NBEA: variants seen among roughly 807,000 people sequenced by gnomAD.
The protein encoded by NBEA is lysosomal-trafficking regulator 2.
Under a neutral mutation model 343.4 loss-of-function variants are expected in NBEA, and 44 were observed. The observed-to-expected ratio is 0.13, with a 90% confidence interval of 0.10 to 0.16. NBEA has a LOEUF of 0.16. NBEA is among the 10% of genes least tolerant of loss of function. NBEA has a pLI of 1.00. For synonymous variants in NBEA, 1,175 were observed against 1,238.7 expected (o/e 0.95, Z 1.08); for missense variants, 2,555 against 3,631.3 (o/e 0.70, Z 7.62).
rs1362317772 is a variant in NBEA at position 35,130,649 on chromosome 13, C to CA, written c.2336+7081dup. On this transcript the variant is annotated intron_variant, in intron 17 of 58. Coordinates refer to ENST00000379939, the MANE Select transcript of NBEA (RefSeq NM_001385012.1). Reference sequence around the variant, plus strand: ...ATTTTTTTCCTTAGAAGATCAATTACAAAAAATCTCAAAAGTATAATTTGA... The same window carrying CA: ...ATTTTTTTCCTTAGAAGATCAATTACAAAAAAATCTCAAAAGTATAATTTGA... Among the ~76,000 whole-genome samples the CA allele has an allele frequency of 6.0e-5, 9 of 150,898 alleles. No individual in the cohort carries two copies. The South Asian group carries it at 1.3e-3, about 21-fold the overall frequency.
At chr13:35,127,863 A>C (rs2067209507) in intron 17 of NBEA, among the ~76,000 whole-genome samples, 1 of 152,144 alleles carries the variant, frequency 6.6e-6, no homozygotes, top group Non-Finnish European at 1.5e-5. Context: ...ATCAGTAAGC[A>C]TAACATAAAA....
chr13:35,093,034 G>A (rs1010306606), intron 10 of NBEA, among the ~76,000 whole-genome samples: 2 of 152,004 alleles, frequency 1.3e-5, no homozygotes, highest in African/African-American at 2.4e-5. Flanking sequence ...GTACTTACTT[G>A]GATGCCTCTC....
At chr13:35,291,595 G>A (rs1239173840) in intron 35 of NBEA, among the ~76,000 whole-genome samples, 3 of 151,852 alleles carry the variant, frequency 2.0e-5, no homozygotes, top group African/African-American at 7.2e-5. Flanking sequence ...AGACTATCTG[G>A]ACCTTTTCGA....
chr13:35,439,193 TC>T (rs1432447450), intron 39 of NBEA, among the ~76,000 whole-genome samples: 4 of 151,928 alleles, frequency 2.6e-5, no homozygotes, highest in African/African-American at 9.7e-5. Context: ...ACAGGAGAGC[TC>T]CCCACAACAA....
At chr13:35,128,094 G>A in intron 17 of NBEA, among the ~76,000 whole-genome samples, 1 of 111,570 alleles carries the variant, frequency 9.0e-6, no homozygotes, top group Admixed American at 1.2e-4. Context: ...AAGGGGTGGG[G>A]GGAGGGGGGA....
chr13:35,661,231 C>T (rs2085076692), intron 55 of NBEA, among the ~76,000 whole-genome samples: 2 of 152,084 alleles, frequency 1.3e-5, no homozygotes, highest in South Asian at 4.1e-4. Context: ...TACGCAGAGC[C>T]CAGCTTCCTG....
chr13:35,136,748 C>T (rs1432890215), intron 17 of NBEA, among the ~76,000 whole-genome samples: 1 of 152,106 alleles, frequency 6.6e-6, no homozygotes, highest in Non-Finnish European at 1.5e-5. Context: ...TTATATCCTG[C>T]CAGATTGTTA....
intron 34 of NBEA, among the ~76,000 whole-genome samples, chr13:35,245,478 T>G (rs574191813): frequency 6.6e-6 from 1 of 152,284 alleles, no homozygotes; most frequent in South Asian, 2.1e-4. Flanking sequence ...TTTGCTGTCT[T>G]GGTAGTAGAG....
chr13:35,345,047 G>T (rs1160406962), intron 36 of NBEA, among the ~76,000 whole-genome samples: 1 of 152,048 alleles, frequency 6.6e-6, no homozygotes, highest in Non-Finnish European at 1.5e-5. Context: ...GGGCAAACTG[G>T]AAGACGGTGA....
intron 11 of NBEA, among the ~76,000 whole-genome samples, chr13:35,099,433 C>T (rs1042823200): frequency 2.6e-5 from 4 of 152,098 alleles, no homozygotes; most frequent in Non-Finnish European, 4.4e-5. Context: ...CTCCTGGCCT[C>T]AAGTGATCTG....
intron 10 of NBEA, among the ~76,000 whole-genome samples, chr13:35,088,367 G>A (rs1406464835): frequency 1.3e-5 from 2 of 151,858 alleles, no homozygotes; most frequent in African/African-American, 4.8e-5. Flanking sequence ...TCAGTTTTCT[G>A]GTTCTGTGAT....
intron 1 of NBEA, among the ~76,000 whole-genome samples, chr13:34,988,620 TC>T (rs1313611839): frequency 6.6e-6 from 1 of 151,074 alleles, no homozygotes; most frequent in East Asian, 1.9e-4. Flanking sequence ...GGATATAATC[TC>T]CTGTTGTGCC....
At chr13:35,349,667 C>G (rs1192318020) in intron 37 of NBEA, among the ~76,000 whole-genome samples, 2 of 151,978 alleles carry the variant, frequency 1.3e-5, no homozygotes, top group Non-Finnish European at 2.9e-5. Flanking sequence ...ATTTACAAGA[C>G]AAAATAGGTC....
intron 1 of NBEA, among the ~76,000 whole-genome samples, chr13:34,982,035 G>A (rs1303218167): frequency 6.6e-6 from 1 of 151,052 alleles, no homozygotes; most frequent in Non-Finnish European, 1.5e-5. Context: ...AAGAAATTTG[G>A]CTATGTTAAT....
chr13:35,569,318 A>G (rs1200247801), intron 45 of NBEA, among the ~76,000 whole-genome samples: 1 of 152,194 alleles, frequency 6.6e-6, no homozygotes, highest in Non-Finnish European at 1.5e-5. Flanking sequence ...TCTTGTCTGC[A>G]TGTATTTTAT....
intron 18 of NBEA, among the ~76,000 whole-genome samples, chr13:35,146,428 C>T (rs376959263): frequency 6.6e-6 from 1 of 152,110 alleles, no homozygotes; most frequent in African/African-American, 2.4e-5. Flanking sequence ...ACCCAAAGCT[C>T]CTTAGTTGTG....
intron 51 of NBEA, among the ~76,000 whole-genome samples, chr13:35,649,415 G>C (rs1011195668): frequency 1.3e-5 from 2 of 152,174 alleles, no homozygotes; most frequent in African/African-American, 4.8e-5. Flanking sequence ...GGTCTTTAAT[G>C]ATTCTGTGTC....
intron 48 of NBEA, among the ~76,000 whole-genome samples, chr13:35,610,563 T>A (rs2153054275): frequency 6.6e-6 from 1 of 152,190 alleles, no homozygotes; most frequent in East Asian, 1.9e-4. Context: ...TCAAAATAGA[T>A]CATGGACCTA....
At chr13:35,281,643 G>A (rs1033486720) in intron 34 of NBEA, among the ~76,000 whole-genome samples, 2 of 151,752 alleles carry the variant, frequency 1.3e-5, no homozygotes, top group Non-Finnish European at 2.9e-5. Flanking sequence ...GTGATACATA[G>A]CATTTCCATT....
Sources: gnomAD v4.1 joint callset for allele counts (sites outside exome capture counted in the v4.1 genomes callset) on GRCh38, gnomAD v4.1.1 for gene constraint, MANE v1.5 for transcripts, NCBI Gene and HGNC (gene_info 2026-07-23, HGNC 2026-07-21) for gene names.